PTPRF: variants seen among roughly 807,000 people sequenced by gnomAD.
PTPRF encodes the protein protein tyrosine phosphatase receptor type F, also known as receptor-type tyrosine-protein phosphatase F.
In PTPRF, 59 loss-of-function variants were observed where a neutral mutation model predicts 201.8. The ratio of observed to expected loss-of-function variants is 0.29; its 90% confidence interval spans 0.24 to 0.36. The LOEUF (loss-of-function observed/expected upper bound fraction) is 0.36, where lower values mean the gene tolerates loss of function less well. Ranked by LOEUF, PTPRF falls within the 10% of genes least tolerant of loss-of-function variation. PTPRF has a pLI of 1.00. For missense variants in PTPRF, 2,132 were observed against 2,690.5 expected (o/e 0.79, Z 4.59); for synonymous variants, 1,088 against 1,089.7 (o/e 1.00, Z 0.03).
chr1:43,529,296 C>T (rs558169696), upstream of PTPRF, among the ~76,000 whole-genome samples: 9 of 152,280 alleles, frequency 5.9e-5, no homozygotes, highest in South Asian at 4.1e-4. Flanking sequence ...CCTCCTCATA[C>T]GCCAGGGGGC....
At chr1:43,598,625 T>C in intron 12 of PTPRF, 95 bp from the exon 13 acceptor site, 1 of 1,131,222 alleles carries the variant, frequency 8.8e-7, no homozygotes, top group Non-Finnish European at 1.3e-6. Flanking sequence ...CCTGGGGGAG[T>C]GGGGTGCTGA....
At chr1:43,556,278 T>C (rs1645365858) in intron 5 of PTPRF, among the ~76,000 whole-genome samples, 2 of 152,176 alleles carry the variant, frequency 1.3e-5, no homozygotes, top group Admixed American at 1.3e-4. Flanking sequence ...TTTAGTTTTG[T>C]TTGAGACAGA....
chr1:43,599,960 A>G (rs1238198413), intron 13 of PTPRF, among the ~76,000 whole-genome samples: 2 of 152,102 alleles, frequency 1.3e-5, no homozygotes, highest in Non-Finnish European at 2.9e-5. Flanking sequence ...CTGGGTGGAG[A>G]GCAGGGGTGC....
At chr1:43,560,462 G>A (rs929794403) in intron 5 of PTPRF, among the ~76,000 whole-genome samples, 5 of 152,110 alleles carry the variant, frequency 3.3e-5, no homozygotes, top group Middle Eastern at 3.4e-3. Flanking sequence ...GGTGTGCCTC[G>A]GGAGTGTGTG....
chr1:43,615,287 G>T (rs12075670), intron 23 of PTPRF, among the ~76,000 whole-genome samples: 47 of 152,196 alleles, frequency 3.1e-4, no homozygotes, highest in African/African-American at 1.1e-3. Context: ...CACGGAGCCC[G>T]TAAGGTGGGC....
chr1:43,620,423 T>C, intron 30 of PTPRF, 31 bp from the exon 31 acceptor site: 1 of 1,590,924 alleles, frequency 6.3e-7, no homozygotes, highest in Non-Finnish European at 8.6e-7. Context: ...CCTTCTCACC[T>C]GATTATGGGG....
At chr1:43,568,896 G>A (rs1646371847) in intron 5 of PTPRF, among the ~76,000 whole-genome samples, 2 of 152,120 alleles carry the variant, frequency 1.3e-5, no homozygotes, top group Admixed American at 1.3e-4. Context: ...TATCTCCTTT[G>A]CCTCCACACA....
rs772886593 is a variant in PTPRF at position 43,591,212 on chromosome 1, G to A, written c.1190G>A (p.Arg397Gln). 5.0e-6 allele frequency: 8 copies of A among 1,605,462 alleles called. No individual in the cohort carries two copies. The highest frequency in any genetic ancestry group is 2.2e-5 in the East Asian group (1 of 44,684). Reference protein sequence around the residue: ...FRVLAVNSIGRGPPSEAVRAR... With the variant: ...FRVLAVNSIGQGPPSEAVRAR... Reference sequence around the variant, plus strand: ...GTGCTGGCGGTGAACAGCATCGGGCGAGGGCCGCCCAGCGAGGCAGTGCGG... The same window carrying A: ...GTGCTGGCGGTGAACAGCATCGGGCAAGGGCCGCCCAGCGAGGCAGTGCGG... Residue 397 changes from arginine to glutamine, a missense_variant, in exon 9 of 34, where the codon CGA (arginine) becomes CAA (glutamine). By Grantham distance (43) the Arg-to-Gln change is conservative. Transcript: ENST00000359947.
intron 11 of PTPRF, among the ~76,000 whole-genome samples, chr1:43,593,535 G>A (rs1340064982): frequency 6.6e-6 from 1 of 152,232 alleles, no homozygotes; most frequent in Non-Finnish European, 1.5e-5. Context: ...TGGCTGGGTA[G>A]CATTGTGGGA....
chr1:43,546,857 A>G lies in PTPRF; in HGVS notation c.91+1691A>G, dbSNP rs368436829. Among the ~76,000 whole-genome samples the G allele has an allele frequency of 1.3e-5, 2 of 152,066 alleles. No homozygotes were observed. Among genetic ancestry groups the G allele is most frequent in the East Asian group, 3.9e-4 (2 of 5,182 alleles). On this transcript the variant is annotated intron_variant, in intron 3 of 33. Coordinates refer to ENST00000359947, the MANE Select transcript of PTPRF (RefSeq NM_002840.5). This position sits in a 1 kb window ranked among gnomAD's most constrained non-coding sequence, Gnocchi z 4.2. ...CTCCGTGATATCCCACATCTAATCC[A>G]TCACCAAGCTCCGTTGCTTCTACCT...
At chr1:43,590,026 C>T (rs908640060) in intron 8 of PTPRF, among the ~76,000 whole-genome samples, 5 of 152,300 alleles carry the variant, frequency 3.3e-5, no homozygotes, top group African/African-American at 4.8e-5. Context: ...CCAGTGGCTT[C>T]CCGTTGTTTT....
chr1:43,605,647 C>G, intron 19 of PTPRF, 25 bp downstream of exon 19: 1 of 1,600,306 alleles, frequency 6.2e-7, no homozygotes, highest in East Asian at 2.2e-5. Context: ...GATGGGGACA[C>G]TGACAGCCCC....
chr1:43,559,647 G>C (rs1046802201), intron 5 of PTPRF, among the ~76,000 whole-genome samples: 1 of 146,132 alleles, frequency 6.8e-6, no homozygotes, highest in African/African-American at 2.5e-5. Flanking sequence ...TATCAGGCGG[G>C]GTGTGGTGTG....
chr1:43,608,773 G>T (rs935239131), intron 21 of PTPRF, among the ~76,000 whole-genome samples: 1 of 152,176 alleles, frequency 6.6e-6, no homozygotes, highest in Non-Finnish European at 1.5e-5. Context: ...TCTTCTTTCC[G>T]AAGCACATGC....
intron 26 of PTPRF, 88 bp from the exon 27 acceptor site, chr1:43,618,960 G>A (rs918068133): frequency 1.4e-5 from 21 of 1,481,974 alleles, no homozygotes; most frequent in South Asian, 5.2e-5. Flanking sequence ...GGGAAGTGGC[G>A]GGTATGGCCT....
chr1:43,578,633 A>C lies in PTPRF; in HGVS notation c.569-177A>C, dbSNP rs7543137. On this transcript the variant is annotated intron_variant, in intron 6 of 33. Transcript: ENST00000359947. ...AGCACAACCGTTGGTTCTAGACAGG[A>C]GGCCACTGGGCTCTTCAGGGAGAGC... Among the ~76,000 whole-genome samples, 951 of 152,298 alleles carry C rather than the reference A, an allele frequency of 6.2e-3. 7 individuals are homozygous for C. The highest frequency in any genetic ancestry group is 0.022 in the African/African-American group (898 of 41,560).
intron 2 of PTPRF, 53 bp downstream of exon 2, chr1:43,538,330 G>A (rs6676086): frequency 1.2e-3 from 497 of 398,862 alleles, no homozygotes; most frequent in African/African-American, 9.3e-3. Context: ...GGGTCCTATG[G>A]ACCAGGCTGA....
At chr1:43,577,458 C>A (rs946969036) in intron 6 of PTPRF, among the ~76,000 whole-genome samples, 1 of 152,222 alleles carries the variant, frequency 6.6e-6, no homozygotes, top group Non-Finnish European at 1.5e-5. Flanking sequence ...GGCCTCCCCT[C>A]TTCCTTCACC....
intron 12 of PTPRF, 41 bp from the exon 13 acceptor site, chr1:43,598,679 A>T: frequency 6.3e-7 from 1 of 1,581,302 alleles, no homozygotes; most frequent in South Asian, 1.1e-5. Flanking sequence ...GCTAGGGTTG[A>T]TACCTCCAGG....
Sources: allele counts gnomAD v4.1 joint callset (sites outside exome capture counted in the v4.1 genomes callset), GRCh38; gene constraint gnomAD v4.1.1; non-coding constraint Gnocchi (gnomAD v3.1); transcripts MANE v1.5; gene names NCBI Gene and HGNC (gene_info 2026-07-23, HGNC 2026-07-21).